The following UBA3 variants were observed in gnomAD, a reference collection of about 807,000 sequenced individuals.
UBA3 encodes NEDD8-activating enzyme E1 catalytic subunit.
UBA3 carries 26 observed loss-of-function variants against 73.5 expected under a neutral mutation model. The ratio of observed to expected loss-of-function variants is 0.35; its 90% CI spans 0.26 to 0.49. The LOEUF is 0.49. UBA3 is among the 20% of genes least tolerant of loss of function. UBA3 has a pLI of 0.98. For missense variants in UBA3, 495 were observed against 555.6 expected (o/e 0.89, Z 1.10); for synonymous variants, 217 against 191.2 (o/e 1.13, Z -1.11).
In UBA3 at chr3:69,061,946, G is replaced by GGAGA. The variant is rs749819588; in HGVS notation, c.797-23_797-20dup. ...ACCCCTTCTGTTTAAAAAAAAAAAG[G>GGAGA]GAGAGAGAGAGAGAGAGAAGACAGG... On this transcript the variant is annotated intron_variant, in intron 10 of 17. Coordinates refer to ENST00000361055, the MANE Select transcript of UBA3 (RefSeq NM_003968.4). 57 of 1,375,862 alleles carry GGAGA rather than the reference G, an allele frequency of 4.1e-5. No individual in the cohort carries two copies. Among genetic ancestry groups the GGAGA allele is most frequent in the African/African-American group, 1.5e-5 (1 of 67,236 alleles). The allele number at this position is 1,375,862 out of a possible 1,614,324, so 85.2% of individuals were successfully genotyped here.
rs1183458560 is a variant in UBA3 at position 69,075,513 on chromosome 3, G to A, written c.184-3C>T. On this transcript the variant is annotated splice_polypyrimidine_tract_variant and splice_region_variant and intron_variant, in intron 3 of 17. Transcript: ENST00000361055. ...GTATCTAACAAGAACTGGAGAGACT[G>A]TAAAGAATGGAAAGGCATATTAAAA... The A allele has an allele frequency of 6.5e-7, 1 of 1,531,450 alleles. No individual in the cohort carries two copies. The highest frequency in any genetic ancestry group is 8.8e-7 in the Non-Finnish European group (1 of 1,142,848). 94.9% of individuals were successfully genotyped at this position (1,531,450 alleles called of 1,614,324 possible).
chr3:69,066,196 G>A (rs1309742836), intron 6 of UBA3, among the ~76,000 whole-genome samples: 3 of 151,868 alleles, frequency 2.0e-5, no homozygotes, highest in African/African-American at 4.8e-5. Flanking sequence ...TCACTACATT[G>A]CCCAGGCTGG....
At chr3:69,067,844 T>C in intron 6 of UBA3, 84 bp downstream of exon 6, 1 of 1,018,872 alleles carries the variant, frequency 9.8e-7, no homozygotes, top group Non-Finnish European at 1.5e-6. Context: ...CTCTTGCTTA[T>C]CTGTATTCTC....
intron 7 of UBA3, 38 bp from the exon 8 acceptor site, chr3:69,063,541 A>G (rs2092041427): frequency 6.8e-7 from 1 of 1,466,586 alleles, no homozygotes; most frequent in Non-Finnish European, 9.2e-7. Context: ...GTTTTTAAAT[A>G]TGTAGTTGCA....
chr3:69,057,186 A>C, intron 12 of UBA3, 70 bp downstream of exon 12: 1 of 1,495,160 alleles, frequency 6.7e-7, no homozygotes, highest in Non-Finnish European at 9.2e-7. Context: ...CCTACAACAC[A>C]AAAAAGCTGC....
intron 2 of UBA3, 31 bp from the exon 3 acceptor site, chr3:69,077,949 A>T (rs760893290): frequency 6.2e-7 from 1 of 1,608,964 alleles, no homozygotes; most frequent in South Asian, 1.1e-5. Flanking sequence ...TCAGCTGCAA[A>T]GATCAGTATG....
intron 6 of UBA3, among the ~76,000 whole-genome samples, chr3:69,066,483 G>A (rs7622883): frequency 0.29 from 44,553 of 151,266 alleles, 7,377 homozygotes; most frequent in East Asian, 0.43. Context: ...TTGCTCTGTC[G>A]CCCAGGCTGG....
chr3:69,068,286 G>A lies in UBA3; in HGVS notation c.348-278C>T, dbSNP rs577469012. Among the ~76,000 whole-genome samples the A allele has an allele frequency of 1.6e-3, 245 of 152,088 alleles. 1 individual carries two copies. Among genetic ancestry groups the A allele is most frequent in the Middle Eastern group, 6.8e-3 (2 of 294 alleles). ...AACAGTGTTCTTCCTCCCAGATAAA[G>A]CATAATAATGCTATGATTCCTGGCC... On this transcript the variant is annotated intron_variant, in intron 5 of 17. Coordinates refer to ENST00000361055, the MANE Select transcript of UBA3 (RefSeq NM_003968.4).
At chr3:69,072,851 G>A (rs960710057) in intron 4 of UBA3, among the ~76,000 whole-genome samples, 3 of 151,970 alleles carry the variant, frequency 2.0e-5, no homozygotes, top group Admixed American at 6.6e-5. Flanking sequence ...CCAGGTGCCC[G>A]CCCCTAGAGC....
intron 6 of UBA3, among the ~76,000 whole-genome samples, chr3:69,065,152 T>C (rs1302963331): frequency 1.3e-5 from 2 of 151,916 alleles, no homozygotes; most frequent in African/African-American, 4.8e-5. Context: ...GACTAAGAAA[T>C]CTAATCTGGA....
At chr3:69,069,542 G>C (rs750121445) in intron 5 of UBA3, among the ~76,000 whole-genome samples, 10 of 152,166 alleles carry the variant, frequency 6.6e-5, no homozygotes, top group African/African-American at 1.7e-4. Flanking sequence ...GGCCGGGCTG[G>C]TCTCGAACTT....
intron 2 of UBA3, among the ~76,000 whole-genome samples, chr3:69,078,281 T>C (rs2092185405): frequency 6.6e-6 from 1 of 152,180 alleles, no homozygotes; most frequent in South Asian, 2.1e-4. Context: ...TTCCTCAATC[T>C]GTTGTTTCAT....
Position 69,075,445 on chromosome 3 carries a change from C to A in UBA3, c.249G>T (p.Glu83Asp). 6.5e-7 allele frequency: 1 copy of A among 1,550,342 alleles called. No homozygotes were observed. The highest frequency in any genetic ancestry group is 1.2e-5 in the South Asian group (1 of 81,646). The change falls in exon 4 of 18, where the codon GAG (glutamate) becomes GAT (aspartate). Residue 83 changes from glutamate (E) to aspartate (D), a missense_variant. Transcript: ENST00000361055. ...LVIGAGGLGC[E>D]LLKNLALSGF... ...TATATATTACCAGATTTTTCAGGAG[C>A]TCACATCCTAAGCCGCCAGCTCCAA...
chr3:69,074,654 A>G (rs2092148983), intron 4 of UBA3, among the ~76,000 whole-genome samples: 1 of 152,206 alleles, frequency 6.6e-6, no homozygotes, highest in Non-Finnish European at 1.5e-5. Context: ...CACAGCAGTG[A>G]GAAGCCTAGC....
At chr3:69,071,670 CG>C in intron 4 of UBA3, 53 bp from the exon 5 acceptor site, 1 of 1,167,386 alleles carries the variant, frequency 8.6e-7, no homozygotes, top group Non-Finnish European at 1.2e-6. Context: ...CATTTAAAAA[CG>C]TAACATTTGT....
chr3:69,068,066 CTTA>C, intron 5 of UBA3, 58 bp from the exon 6 acceptor site: 2 of 1,126,678 alleles, frequency 1.8e-6, no homozygotes, highest in Non-Finnish European at 2.5e-6. Flanking sequence ...ATCTACATAA[CTTA>C]TTTTCAAACA....
intron 6 of UBA3, 83 bp from the exon 7 acceptor site, chr3:69,064,194 A>C: frequency 9.6e-7 from 1 of 1,038,190 alleles, no homozygotes; most frequent in Non-Finnish European, 1.4e-6. Context: ...CACACTCTGC[A>C]TATATTTACA....
intron 5 of UBA3, among the ~76,000 whole-genome samples, chr3:69,069,075 CAGAGA>C (rs1323915836): frequency 6.6e-6 from 1 of 152,126 alleles, no homozygotes; most frequent in African/African-American, 2.4e-5. Flanking sequence ...ATATTCTCCT[CAGAGA>C]AATCACTCCA....
chr3:69,055,655 A>G lies in UBA3; in HGVS notation c.1304-130T>C, dbSNP rs1483679817. The G allele has an allele frequency of 4.6e-6, 4 of 877,768 alleles. No homozygotes were observed. The Admixed American group carries it at 9.2e-5, about 20-fold the overall frequency. 54.4% of individuals were successfully genotyped at this position (877,768 alleles called of 1,614,324 possible). A position where few individuals can be genotyped will look rare whatever the true frequency, so the allele number is the denominator to read the frequency against. On this transcript the variant is annotated intron_variant, in intron 17 of 17. Coordinates refer to ENST00000361055, the MANE Select transcript of UBA3 (RefSeq NM_003968.4). ...AATCCAATCCTCTTTAATCAAAGTA[A>G]TATTTGATTTCTTAGAGATTTTAAA...
Sources: allele counts gnomAD v4.1 joint callset (sites outside exome capture counted in the v4.1 genomes callset), GRCh38; gene constraint gnomAD v4.1.1; transcripts MANE v1.5; gene names NCBI Gene and HGNC (gene_info 2026-07-23, HGNC 2026-07-21).